Variants in PPARGC1B observed in about 807,000 individuals in gnomAD.
The protein encoded by PPARGC1B is PPARG coactivator 1 beta.
PPARGC1B carries 34 observed loss-of-function variants against 101.6 expected under a neutral mutation model. The ratio of observed to expected loss-of-function variants is 0.33; its 90% CI spans 0.25 to 0.45. The LOEUF (loss-of-function observed/expected upper bound fraction) is 0.45. Among genes scored for constraint, PPARGC1B ranks in the 20% least tolerant of loss-of-function variants. The pLI, the probability that PPARGC1B is intolerant of heterozygous loss-of-function variation, is 1.00. For synonymous variants in PPARGC1B, 548 were observed against 539.3 expected, an observed-to-expected ratio of 1.02 and a Z score of -0.22; for missense variants, 1,234 against 1,317.6, an observed-to-expected ratio of 0.94 and a Z score of 0.98.
intron 2 of PPARGC1B, among the ~76,000 whole-genome samples, chr5:149,826,173 A>G (rs1758510761): frequency 1.3e-5 from 2 of 152,148 alleles, no homozygotes; most frequent in Admixed American, 6.5e-5. Context: ...AGCTCTGGGA[A>G]CCCGCAGAGA....
At chr5:149,736,693 G>C (rs565621531) in intron 1 of PPARGC1B, among the ~76,000 whole-genome samples, 100 of 152,248 alleles carry the variant, frequency 6.6e-4, no homozygotes, top group Admixed American at 3.8e-3. Context: ...AGTCCTCTTA[G>C]AGTGCATATC....
intron 1 of PPARGC1B, among the ~76,000 whole-genome samples, chr5:149,762,578 C>A (rs1323259862): frequency 2.6e-5 from 4 of 152,188 alleles, no homozygotes; most frequent in African/African-American, 9.7e-5. Flanking sequence ...GCTCTCAGTC[C>A]CTCATGGAAG....
At chr5:149,792,364 C>T (rs991256843) in intron 1 of PPARGC1B, among the ~76,000 whole-genome samples, 3 of 152,116 alleles carry the variant, frequency 2.0e-5, no homozygotes, top group Non-Finnish European at 4.4e-5. Flanking sequence ...GCTACTCCCT[C>T]ATTCTTCACA....
At chr5:149,815,900 G>A (rs1758035089) in intron 1 of PPARGC1B, among the ~76,000 whole-genome samples, 1 of 152,168 alleles carries the variant, frequency 6.6e-6, no homozygotes, top group African/African-American at 2.4e-5. Flanking sequence ...CACCCACCCT[G>A]CTGGGTTGAT....
In PPARGC1B at chr5:149,738,014, G is replaced by T. The variant is rs116367474; in HGVS notation, c.78+7594G>T. On this transcript the variant is annotated intron_variant, in intron 1 of 11. Transcript: ENST00000309241. ...GTCTCAAAAAAAAGATTGTTGTGAA[G>T]AGTCAGTGAAAATCGAATGACAACA... 5.3e-3 allele frequency among the ~76,000 whole-genome samples: 803 copies of T among 152,244 alleles called. 8 individuals are homozygous for T. The highest frequency in any genetic ancestry group is 0.018 in the African/African-American group (759 of 41,540).
chr5:149,833,141 C>G lies in PPARGC1B; in HGVS notation c.1068C>G (p.Ser356Arg), dbSNP rs1269238791. 1 of 1,613,660 alleles carries G rather than the reference C, an allele frequency of 6.2e-7. No individual in the cohort carries two copies. Among genetic ancestry groups the G allele is most frequent in the African/African-American group, 1.3e-5 (1 of 74,944 alleles). Reference protein sequence around the residue: ...LLAQDVLCDVSKPYRLATPVY... With the variant: ...LLAQDVLCDVRKPYRLATPVY... ...CTCAAGACGTGCTCTGTGATGTCAGCAAACCCTACCGTCTGGCCACGCCTG... is the reference window on the plus strand; with the variant it reads ...CTCAAGACGTGCTCTGTGATGTCAGGAAACCCTACCGTCTGGCCACGCCTG... Residue 356 changes from serine to arginine, a missense_variant, in exon 5 of 12, where the codon AGC (serine) becomes AGG (arginine). Ser to Arg is a moderately radical substitution (Grantham distance 110). This residue lies in a region of PPARGC1B where 734 missense variants were observed against 768.4 expected (regional missense o/e 0.96). Transcript: ENST00000309241. This position sits in a 1 kb window ranked among gnomAD's most constrained non-coding sequence, Gnocchi z 4.1.
At chr5:149,824,789 T>C (rs569906075) in intron 2 of PPARGC1B, among the ~76,000 whole-genome samples, 33 of 152,186 alleles carry the variant, frequency 2.2e-4, no homozygotes, top group Non-Finnish European at 4.6e-4. Flanking sequence ...TGATCTACCC[T>C]CGGGCCTCCA....
In PPARGC1B at chr5:149,847,198, A is replaced by G. The variant is rs143854413; in HGVS notation, c.2972-260A>G. 3.3e-3 allele frequency: 1,933 copies of G among 593,820 alleles called. 38 individuals carry two copies. Among genetic ancestry groups the G allele is most frequent in the African/African-American group, 0.032 (1,740 of 53,978 alleles). The allele number at this position is 593,820 out of a possible 1,614,324, so 36.8% of individuals were successfully genotyped here. Reference sequence around the variant, plus strand: ...GAGTTGTAGGGTGTTGGAGCTAGAAAGGCTCTGGAGTGCTCTAGTTTGGGC... The same window carrying G: ...GAGTTGTAGGGTGTTGGAGCTAGAAGGGCTCTGGAGTGCTCTAGTTTGGGC... On this transcript the variant is annotated intron_variant, in intron 11 of 11. Coordinates refer to ENST00000309241, the MANE Select transcript of PPARGC1B (RefSeq NM_133263.4).
chr5:149,837,885 G>A lies in PPARGC1B; in HGVS notation c.2618+812G>A, dbSNP rs975714404. On this transcript the variant is annotated intron_variant, in intron 8 of 11. Coordinates refer to ENST00000309241, the MANE Select transcript of PPARGC1B (RefSeq NM_133263.4). This position sits in a 1 kb window ranked among gnomAD's most constrained non-coding sequence, Gnocchi z 4.2. ...CACTAGATGCTGCTCTTGGGCTAGAGCCCAGCTGCCGAATCCGCTGCAGGA... is the reference window on the plus strand; with the variant it reads ...CACTAGATGCTGCTCTTGGGCTAGAACCCAGCTGCCGAATCCGCTGCAGGA... Among the ~76,000 whole-genome samples the A allele has an allele frequency of 6.6e-6, 1 of 152,154 alleles. No individual in the cohort carries two copies. Among genetic ancestry groups the A allele is most frequent in the African/African-American group, 2.4e-5 (1 of 41,426 alleles).
In PPARGC1B at chr5:149,847,704, TAAAAA is replaced by T; in HGVS notation, c.*156_*160del. 1 of 430,446 alleles carries T rather than the reference TAAAAA, an allele frequency of 2.3e-6. No individual in the cohort carries two copies. The highest frequency in any genetic ancestry group is 4.3e-6 in the Non-Finnish European group (1 of 234,886). 26.7% of individuals were successfully genotyped at this position (430,446 alleles called of 1,614,324 possible). On this transcript the variant is annotated 3_prime_UTR_variant, in exon 12 of 12. Transcript: ENST00000309241. Reference sequence around the variant, plus strand: ...AGAGAGACTTGAAACTGCTGTCCTTTAAAAAAAAAAAAAATCAATGTTTACATTGA... The same window carrying T: ...AGAGAGACTTGAAACTGCTGTCCTTTAAAAAAAAATCAATGTTTACATTGA...
chr5:149,742,423 T>A (rs141279861), intron 1 of PPARGC1B, among the ~76,000 whole-genome samples: 1 of 152,218 alleles, frequency 6.6e-6, no homozygotes, highest in Non-Finnish European at 1.5e-5. Flanking sequence ...CTGCCTTCCC[T>A]CAATACTCTG....
rs756242685 is a variant in PPARGC1B at position 149,836,875 on chromosome 5, A to T, written c.2420A>T (p.Glu807Val). Reference protein sequence around the residue: ...SSSGESSFLPEEEEEEGEEEE... With the variant: ...SSSGESSFLPVEEEEEGEEEE... ...AGCGGCGAGAGCAGCTTCCTCCCAG[A>T]GGAGGAAGAGGAAGAAGGGGAGGAG... The change falls in exon 8 of 12, where the codon GAG becomes GTG. Residue 807 changes from glutamate (E) to valine (V), a missense_variant. Transcript: ENST00000309241. The T allele has an allele frequency of 6.2e-7, 1 of 1,611,118 alleles. No homozygotes were observed.
intron 1 of PPARGC1B, 70 bp from the exon 2 acceptor site, chr5:149,820,363 T>C (rs1758238839): frequency 3.4e-6 from 5 of 1,457,654 alleles, no homozygotes; most frequent in Non-Finnish European, 4.7e-6. Context: ...TGCATCATTA[T>C]TGAGAGGGCC....
At position 149,848,683 on chromosome 5, in the gene PPARGC1B, G is replaced by A. The variant is rs1223851347; in HGVS notation, c.*1125G>A. 1 of 152,240 alleles carries A rather than the reference G, an allele frequency of 6.6e-6. No homozygotes were observed. Among genetic ancestry groups the A allele is most frequent in the Non-Finnish European group, 1.5e-5 (1 of 68,060 alleles). 9.4% of individuals were successfully genotyped at this position (152,240 alleles called of 1,614,324 possible). ...GTGGTCCTGCGGTTTGTCTGTGCCT[G>A]TGGACACACTGTCAGAACTTCAGTG... On this transcript the variant is annotated 3_prime_UTR_variant, in exon 12 of 12. Transcript: ENST00000309241.
At chr5:149,826,626 C>T in intron 2 of PPARGC1B, 47 bp from the exon 3 acceptor site, 1 of 1,445,396 alleles carries the variant, frequency 6.9e-7, no homozygotes, top group Non-Finnish European at 9.7e-7. Flanking sequence ...TGGTGACTAA[C>T]CATCTCCCCA....
chr5:149,803,948 C>A (rs1757513168), intron 1 of PPARGC1B, among the ~76,000 whole-genome samples: 1 of 152,218 alleles, frequency 6.6e-6, no homozygotes, highest in South Asian at 2.1e-4. Context: ...CTCTGGCCCT[C>A]ACTGACCACA....
chr5:149,768,795 C>T (rs139182081), intron 1 of PPARGC1B, among the ~76,000 whole-genome samples: 54 of 152,160 alleles, frequency 3.5e-4, no homozygotes, highest in Middle Eastern at 3.4e-3. Context: ...GGATTACAGG[C>T]GTGAGCCACC....
chr5:149,738,598 C>A (rs1754807674), intron 1 of PPARGC1B, among the ~76,000 whole-genome samples: 1 of 150,178 alleles, frequency 6.7e-6, no homozygotes, highest in African/African-American at 2.4e-5. Context: ...CCTGCCCTCT[C>A]TGGAAAGCAT....
At chr5:149,778,434 G>A (rs1355002641) in intron 1 of PPARGC1B, among the ~76,000 whole-genome samples, 2 of 151,968 alleles carry the variant, frequency 1.3e-5, no homozygotes, top group Admixed American at 6.6e-5. Flanking sequence ...CCAAGCAGAA[G>A]CGGGGCTCTT....
Sources: gnomAD v4.1 joint callset for allele counts (sites outside exome capture counted in the v4.1 genomes callset) on GRCh38, gnomAD v4.1.1 for gene constraint, gnomAD v4.1.1 regional missense constraint, Gnocchi (gnomAD v3.1) non-coding constraint, MANE v1.5 for transcripts, NCBI Gene and HGNC (gene_info 2026-07-23, HGNC 2026-07-21) for gene names.